Variants in GFRA1 observed in about 807,000 individuals in gnomAD.
GFRA1 encodes GDNF family receptor alpha-1.
GFRA1 carries 16 observed loss-of-function variants against 51.6 expected under a neutral mutation model. The observed-to-expected ratio is 0.31, with a 90% CI of 0.21 to 0.47. The LOEUF is 0.47. Among genes scored for constraint, GFRA1 ranks in the 20% least tolerant of loss-of-function variants. GFRA1 has a pLI of 1.00. For synonymous variants in GFRA1, 270 were observed against 241.3 expected (o/e 1.12, Z -1.10); for missense variants, 530 against 594.3 (o/e 0.89, Z 1.13).
At chr10:116,145,983 A>C (rs1223982627) in intron 5 of GFRA1, among the ~76,000 whole-genome samples, 2 of 152,152 alleles carry the variant, frequency 1.3e-5, no homozygotes, top group Non-Finnish European at 1.5e-5. Flanking sequence ...ATTTATATAA[A>C]GAATAAAAAC....
At chr10:116,227,143 C>A (rs7098127) in intron 4 of GFRA1, among the ~76,000 whole-genome samples, 3,781 of 152,298 alleles carry the variant, frequency 0.025, 144 homozygotes, top group African/African-American at 0.084. Context: ...AAGCTCTAAA[C>A]CTCTGGCCCA....
chr10:116,115,390 A>T (rs987637655), intron 6 of GFRA1, among the ~76,000 whole-genome samples: 1 of 151,962 alleles, frequency 6.6e-6, no homozygotes, highest in Admixed American at 6.5e-5. Context: ...GGCAGCATGG[A>T]AGAGGGTCCT....
intron 4 of GFRA1, among the ~76,000 whole-genome samples, chr10:116,222,340 AG>A (rs1965981256): frequency 6.6e-6 from 1 of 152,114 alleles, no homozygotes; most frequent in Non-Finnish European, 1.5e-5. Context: ...CTGAGATTAC[AG>A]GTGCCCGCCA....
intron 9 of GFRA1, among the ~76,000 whole-genome samples, chr10:116,075,074 A>G (rs1484249785): frequency 1.3e-5 from 2 of 152,178 alleles, no homozygotes; most frequent in African/African-American, 4.8e-5. Context: ...GGGCTGAATT[A>G]CTGTCCTTCT....
At position 116,185,114 on chromosome 10, in the gene GFRA1, A is replaced by G. The variant is rs11197573; in HGVS notation, c.433+26517T>C. The stretch of plus-strand genomic sequence containing the variant: ...GAAGGGCTGTAATTACTGCAATGTA[A>G]CATACAGCATGGTGGTATGAGAATG... On this transcript the variant is annotated intron_variant, in intron 5 of 10. Coordinates refer to ENST00000355422, the MANE Select transcript of GFRA1 (RefSeq NM_005264.8). Among the ~76,000 whole-genome samples the G allele has an allele frequency of 1.8e-4, 28 of 152,240 alleles. No individual in the cohort carries two copies. In the East Asian group the frequency reaches 1.9e-3, roughly 11 times the overall value.
rs1956617204 is a variant in GFRA1, at chr10:116,096,914, A to G, written c.771-150T>C. 11 of 653,038 alleles carry G rather than the reference A, an allele frequency of 1.7e-5. No individual in the cohort carries two copies. The Admixed American group carries it at 1.9e-4, about 12-fold the overall frequency. The allele number at this position is 653,038 out of a possible 1,614,324, so 40.5% of individuals were successfully genotyped here. A position where few individuals can be genotyped will look rare whatever the true frequency, so the allele number is the denominator to read the frequency against. ...ACACACACACACATACACACAAAATACGTAGAAAACGTGAGCTAAGAAACT... is the reference window on the plus strand; with the variant it reads ...ACACACACACACATACACACAAAATGCGTAGAAAACGTGAGCTAAGAAACT... On this transcript the variant is annotated intron_variant, in intron 6 of 10. Transcript: ENST00000355422.
At chr10:116,114,649 T>C (rs1203574611) in intron 6 of GFRA1, among the ~76,000 whole-genome samples, 1 of 152,158 alleles carries the variant, frequency 6.6e-6, no homozygotes, top group Non-Finnish European at 1.5e-5. Context: ...CTCCCACCTC[T>C]CAGCCTCCTG....
At chr10:116,068,681 G>A (rs770190825) in intron 9 of GFRA1, among the ~76,000 whole-genome samples, 9 of 152,090 alleles carry the variant, frequency 5.9e-5, no homozygotes, top group South Asian at 2.1e-4. Context: ...GAAAATCTGC[G>A]TCTTAAAACC....
At chr10:116,093,339 G>A (rs951912369) in intron 8 of GFRA1, among the ~76,000 whole-genome samples, 2 of 152,138 alleles carry the variant, frequency 1.3e-5, no homozygotes, top group African/African-American at 2.4e-5. Flanking sequence ...CAGACTCTCC[G>A]CAGGCTGCCA....
intron 4 of GFRA1, among the ~76,000 whole-genome samples, chr10:116,222,142 T>C (rs1447503660): frequency 1.3e-5 from 2 of 152,152 alleles, no homozygotes; most frequent in African/African-American, 4.8e-5. Context: ...GGTAATGCAG[T>C]GCAGGCAATG....
At chr10:116,259,403 C>T (rs1045966952) in intron 4 of GFRA1, among the ~76,000 whole-genome samples, 2 of 151,386 alleles carry the variant, frequency 1.3e-5, no homozygotes, top group African/African-American at 4.9e-5. Context: ...TTCTGCTCCA[C>T]TTTAGAAGCC....
At position 116,190,362 on chromosome 10, in the gene GFRA1, G is replaced by A. The variant is rs529705019; in HGVS notation, c.433+21269C>T. Among the ~76,000 whole-genome samples, 17 of 152,294 alleles carry A rather than the reference G, an allele frequency of 1.1e-4. No homozygotes were observed. The East Asian group carries it at 1.9e-3, about 17-fold the overall frequency. On this transcript the variant is annotated intron_variant, in intron 5 of 10. Coordinates refer to ENST00000355422, the MANE Select transcript of GFRA1 (RefSeq NM_005264.8). Reference sequence around the variant, plus strand: ...TACCTGGACATGAGAGTGGATCAACGCACTCCACTTGCTGAAATTCACAAA... The same window carrying A: ...TACCTGGACATGAGAGTGGATCAACACACTCCACTTGCTGAAATTCACAAA...
At chr10:116,240,778 T>C (rs1967295618) in intron 4 of GFRA1, among the ~76,000 whole-genome samples, 1 of 152,176 alleles carries the variant, frequency 6.6e-6, no homozygotes, top group Non-Finnish European at 1.5e-5. Flanking sequence ...TAGAGTGGGC[T>C]GTCTCGACAA....
At chr10:116,182,086 T>C (rs1191231678) in intron 5 of GFRA1, among the ~76,000 whole-genome samples, 3 of 145,512 alleles carry the variant, frequency 2.1e-5, no homozygotes, top group African/African-American at 7.7e-5. Context: ...ATTTAACATA[T>C]GTAACTGGGG....
At chr10:116,129,507 T>C (rs943863191) in intron 5 of GFRA1, among the ~76,000 whole-genome samples, 54 of 152,110 alleles carry the variant, frequency 3.6e-4, no homozygotes, top group African/African-American at 1.3e-3. Context: ...AAATTAAGAA[T>C]AGAAAAGAAT....
rs1405322382 is a variant in GFRA1 at position 116,061,734 on chromosome 10, C to T, written c.*2664G>A. On this transcript the variant is annotated 3_prime_UTR_variant, in exon 11 of 11. Coordinates refer to ENST00000355422, the MANE Select transcript of GFRA1 (RefSeq NM_005264.8). ...CACCCCAAATGCCCGGACTGAAGGA[C>T]AGGAAGTAGCGAATCATTTTTGCTT... 1.7e-5 allele frequency: 6 copies of T among 344,098 alleles called. No homozygotes were observed. The Admixed American group carries it at 2.9e-4, about 16-fold the overall frequency. The allele number at this position is 344,098 out of a possible 1,614,324, so 21.3% of individuals were successfully genotyped here.
At chr10:116,101,768 C>T (rs2694780) in intron 6 of GFRA1, among the ~76,000 whole-genome samples, 25,697 of 151,966 alleles carry the variant, frequency 0.17, 2,189 homozygotes, top group East Asian at 0.21. Context: ...ACATAAGACA[C>T]GTGGTTGGTG....
rs1954974938 is a variant in GFRA1, at chr10:116,064,103, C to CATGATCATGATGATCATCATCATG, written c.*294_*295insCATGATGATGATCATCATGATCAT. On this transcript the variant is annotated 3_prime_UTR_variant, in exon 11 of 11. Coordinates refer to ENST00000355422, the MANE Select transcript of GFRA1 (RefSeq NM_005264.8). ...TGATCATCATCATGATCATCATCATCATCGAAAACACAGCCCCAGTTTGCT... is the reference window on the plus strand; with the variant it reads ...TGATCATCATCATGATCATCATCATCATGATCATGATGATCATCATCATGATCGAAAACACAGCCCCAGTTTGCT... The CATGATCATGATGATCATCATCATG allele has an allele frequency of 3.3e-6, 1 of 301,618 alleles. No homozygotes were observed. Among genetic ancestry groups the CATGATCATGATGATCATCATCATG allele is most frequent in the South Asian group, 3.4e-5 (1 of 29,418 alleles). The allele number at this position is 301,618 out of a possible 1,614,324, so 18.7% of individuals were successfully genotyped here.
At chr10:116,258,782 A>G (rs1969085927) in intron 4 of GFRA1, among the ~76,000 whole-genome samples, 1 of 152,212 alleles carries the variant, frequency 6.6e-6, no homozygotes. Flanking sequence ...GAGTACCTCT[A>G]CTGAACAAGG....
Sources: allele counts gnomAD v4.1 joint callset (sites outside exome capture counted in the v4.1 genomes callset), GRCh38; gene constraint gnomAD v4.1.1; transcripts MANE v1.5; gene names NCBI Gene and HGNC (gene_info 2026-07-23, HGNC 2026-07-21).